Variants in VPS13A observed in about 807,000 individuals in gnomAD.
VPS13A encodes intermembrane lipid transfer protein VPS13A.
A neutral mutation model predicts 390.9 loss-of-function variants in VPS13A; 264 were observed. The observed-to-expected ratio is 0.68, with a 90% CI of 0.61 to 0.75. VPS13A has a LOEUF of 0.75. Among genes scored for constraint, VPS13A ranks in the 30% least tolerant of loss-of-function variants. VPS13A has a pLI of 0.00. For missense variants in VPS13A, 3,409 were observed against 3,733.9 expected, an observed-to-expected ratio of 0.91 and a Z score of 2.27; for synonymous variants, 1,231 against 1,227.1, an observed-to-expected ratio of 1.00 and a Z score of -0.07.
Position 77,368,143 on chromosome 9 carries a change from C to G in VPS13A, c.8553+7C>G, listed in dbSNP as rs770308300. 1.9e-6 allele frequency: 3 copies of G among 1,606,706 alleles called. No homozygotes were observed. The highest frequency in any genetic ancestry group is 2.2e-5 in the South Asian group (2 of 90,340). On this transcript the variant is annotated splice_region_variant and intron_variant, in intron 62 of 71. Transcript: ENST00000360280. ...AAGACACTATTCAAAACAGGTTTGTCTAAGATTATATTACAGAGGGACAGA... is the reference window on the plus strand; with the variant it reads ...AAGACACTATTCAAAACAGGTTTGTGTAAGATTATATTACAGAGGGACAGA...
chr9:77,203,462 A>G (rs1170961115), intron 3 of VPS13A, among the ~76,000 whole-genome samples: 1 of 151,862 alleles, frequency 6.6e-6, no homozygotes, highest in Non-Finnish European at 1.5e-5. Flanking sequence ...TAATTTTTGT[A>G]GTTTTTGTAG....
At chr9:77,268,587 C>T (rs1447510585) in intron 23 of VPS13A, among the ~76,000 whole-genome samples, 4 of 152,102 alleles carry the variant, frequency 2.6e-5, no homozygotes, top group Non-Finnish European at 5.9e-5. Context: ...TGGAGTTGTT[C>T]ATATTCAGCC....
chr9:77,192,338 A>G (rs920765134), intron 1 of VPS13A, among the ~76,000 whole-genome samples: 2 of 152,200 alleles, frequency 1.3e-5, no homozygotes, highest in Non-Finnish European at 1.5e-5. Context: ...TAGCCTGTTT[A>G]CATTCAAGAT....
intron 23 of VPS13A, among the ~76,000 whole-genome samples, chr9:77,261,978 G>C (rs2131298234): frequency 6.6e-6 from 1 of 152,130 alleles, no homozygotes; most frequent in Non-Finnish European, 1.5e-5. Context: ...TTTATTCGAA[G>C]TGAAAAAAAT....
At chr9:77,193,827 A>T (rs767514010) in intron 1 of VPS13A, among the ~76,000 whole-genome samples, 4 of 152,022 alleles carry the variant, frequency 2.6e-5, no homozygotes, top group Admixed American at 6.5e-5. Flanking sequence ...ATATTCTTGG[A>T]TGCCCCAAGG....
At chr9:77,341,691 C>CTTTCTTTTTTTTTTTTTTTTTTTT (rs1830824737) in intron 50 of VPS13A, among the ~76,000 whole-genome samples, 1 of 37,822 alleles carries the variant, frequency 2.6e-5, no homozygotes, top group Non-Finnish European at 4.6e-5. Flanking sequence ...GACATCTTTC[C>CTTTCTTTTTTTTTTTTTTTTTTTT]TTTTTTTTTT....
In VPS13A at chr9:77,177,839, C is replaced by G. The variant is rs753678619; in HGVS notation, c.100+35C>G. 63 of 1,574,706 alleles carry G rather than the reference C, an allele frequency of 4.0e-5. No individual in the cohort carries two copies. In the Admixed American group the frequency reaches 8.2e-4, roughly 20 times the overall value. Reference sequence around the variant, plus strand: ...CCGCCGCCGCCGCTCCCCGGCCTCTCGTGCTTCCCGGCCGTCTCGCTGCCC... The same window carrying G: ...CCGCCGCCGCCGCTCCCCGGCCTCTGGTGCTTCCCGGCCGTCTCGCTGCCC... On this transcript the variant is annotated intron_variant, in intron 1 of 71. Transcript: ENST00000360280.
rs1294837985 is a variant in VPS13A, at chr9:77,272,717, G to A, written c.2428-563G>A. ...TGAGAGGTAGGGAACGTGACAAGGA[G>A]GAATGAGATCCGGGAGGAACACATA... On this transcript the variant is annotated intron_variant, in intron 23 of 71. Transcript: ENST00000360280. Among the ~76,000 whole-genome samples the A allele has an allele frequency of 2.0e-5, 3 of 152,258 alleles. No homozygotes were observed. In the East Asian group the frequency reaches 5.8e-4, roughly 29 times the overall value.
At chr9:77,193,500 G>T (rs367756959) in intron 1 of VPS13A, among the ~76,000 whole-genome samples, 1 of 152,136 alleles carries the variant, frequency 6.6e-6, no homozygotes, top group Admixed American at 6.5e-5. Context: ...TGGGTGTGGT[G>T]GTGGGCACCT....
intron 63 of VPS13A, 73 bp downstream of exon 63, chr9:77,369,485 AAGTTG>A: frequency 2.0e-6 from 2 of 1,024,456 alleles, no homozygotes; most frequent in Non-Finnish European, 1.5e-6. Context: ...TTCTATTGTT[AAGTTG>A]AGTTAATAAG....
At chr9:77,396,744 G>T (rs984252761) in intron 68 of VPS13A, among the ~76,000 whole-genome samples, 9 of 152,026 alleles carry the variant, frequency 5.9e-5, no homozygotes, top group African/African-American at 2.2e-4. Flanking sequence ...AGATTGTTTT[G>T]AACAGTTTGT....
chr9:77,344,176 T>C lies in VPS13A; in HGVS notation c.7050T>C (p.Tyr2350=), dbSNP rs1343637134. 2.5e-6 allele frequency: 4 copies of C among 1,608,260 alleles called. No homozygotes were observed. In the South Asian group the frequency reaches 3.3e-5, roughly 13 times the overall value. The change falls in exon 51 of 72, where the codon TAT becomes TAC. Residue 2350 remains tyrosine (Y), a synonymous_variant. Coordinates refer to ENST00000360280, the MANE Select transcript of VPS13A (RefSeq NM_033305.3). The stretch of plus-strand genomic sequence containing the variant: ...AGTGTATCCCCTTTTGGCCTGAGTA[T>C]GCTTCTAGTAAACTTCTTATTCAAG... ...LEQCIPFWPE[Y]ASSKLLIQVE...
At chr9:77,350,727 T>C (rs968904485) in intron 52 of VPS13A, among the ~76,000 whole-genome samples, 2 of 152,174 alleles carry the variant, frequency 1.3e-5, no homozygotes, top group Non-Finnish European at 2.9e-5. Context: ...ATGTCTAGAA[T>C]GATACTGTTT....
chr9:77,191,369 C>G (rs774907380), intron 1 of VPS13A, among the ~76,000 whole-genome samples: 8 of 150,934 alleles, frequency 5.3e-5, no homozygotes, highest in Non-Finnish European at 1.0e-4. Flanking sequence ...ACACGGCTCA[C>G]TGCAGCCTCC....
At chr9:77,400,672 A>C (rs925376575) in intron 68 of VPS13A, among the ~76,000 whole-genome samples, 4 of 151,710 alleles carry the variant, frequency 2.6e-5, no homozygotes, top group African/African-American at 4.8e-5. Context: ...AAAATACAAA[A>C]AAAAAATTAG....
rs865850464 is a variant in VPS13A at position 77,339,504 on chromosome 9, T to G, written c.6379-12T>G. 61 of 1,527,484 alleles carry G rather than the reference T, an allele frequency of 4.0e-5. 8 individuals are homozygous for G. The Middle Eastern group carries it at 8.7e-3, about 219-fold the overall frequency. The allele number at this position is 1,527,484 out of a possible 1,614,324, so 94.6% of individuals were successfully genotyped here. The stretch of plus-strand genomic sequence containing the variant: ...TTTAAATTTTGTTTTGTTTTTTTTT[T>G]TTTTATTACAGGGAATTGAAAATTC... On this transcript the variant is annotated splice_polypyrimidine_tract_variant and intron_variant, in intron 47 of 71. Coordinates refer to ENST00000360280, the MANE Select transcript of VPS13A (RefSeq NM_033305.3).
chr9:77,337,047 T>G (rs1412712141), intron 46 of VPS13A, among the ~76,000 whole-genome samples: 1 of 152,030 alleles, frequency 6.6e-6, no homozygotes, highest in African/African-American at 2.4e-5. Context: ...TACGCCCGTC[T>G]CGGCCTCCCA....
chr9:77,226,042 G>C, intron 14 of VPS13A, 54 bp downstream of exon 14: 1 of 1,469,122 alleles, frequency 6.8e-7, no homozygotes, highest in Non-Finnish European at 9.5e-7. Flanking sequence ...ATATAGATAT[G>C]ACAGATGTGA....
At position 77,247,640 on chromosome 9, in the gene VPS13A, TTGAC is replaced by T. The variant is rs1189737619; in HGVS notation, c.2037+249_2037+252del. On this transcript the variant is annotated intron_variant, in intron 20 of 71. Transcript: ENST00000360280. ...AGGGCAGGTTTGAATCTAAGCTTGA[TTGAC>T]TGATTGATTGATTGATTGATTGACT... 3.9e-5 allele frequency among the ~76,000 whole-genome samples: 6 copies of T among 152,194 alleles called. No individual in the cohort carries two copies. The South Asian group carries it at 6.2e-4, about 16-fold the overall frequency.
Sources: gnomAD v4.1 joint callset for allele counts (sites outside exome capture counted in the v4.1 genomes callset) on GRCh38, gnomAD v4.1.1 for gene constraint, MANE v1.5 for transcripts, NCBI Gene and HGNC (gene_info 2026-07-23, HGNC 2026-07-21) for gene names.